The following WNT5A variants were observed in gnomAD, a reference collection of about 807,000 sequenced individuals.
WNT5A encodes protein Wnt-5a.
Under a neutral mutation model 42.1 loss-of-function variants are expected in WNT5A, and 9 were observed. The observed-to-expected ratio is 0.21, with a 90% confidence interval of 0.13 to 0.37. The LOEUF (loss-of-function observed/expected upper bound fraction) is 0.37, where lower values mean the gene tolerates loss of function less well. Ranked by LOEUF, WNT5A falls within the 10% of genes least tolerant of loss-of-function variation. The probability of loss-of-function intolerance (pLI) is 1.00; values close to 1 mark genes in which losing one functional copy is unlikely to be tolerated. For synonymous variants in WNT5A, 210 were observed against 210.0 expected (o/e 1.00, Z 0.00); for missense variants, 426 against 534.0 (o/e 0.80, Z 1.99).
the WNT5A span, among the ~76,000 whole-genome samples, chr3:55,504,938 G>A: frequency 6.6e-6 from 1 of 152,120 alleles, no homozygotes; most frequent in African/African-American, 2.4e-5. Flanking sequence ...GCTTTATATA[G>A]ATAGAATCAC....
chr3:55,467,793 TAA>T lies in WNT5A; in HGVS notation c.*2297_*2298del, dbSNP rs1210841996. On this transcript the variant is annotated 3_prime_UTR_variant, in exon 5 of 5. Coordinates refer to ENST00000264634, the MANE Select transcript of WNT5A (RefSeq NM_003392.7). ...AGTTTCTTTTAAAAGCTAGGATTGTTAAACTCAACTCTCTTCATAAACATGAG... is the reference window on the plus strand; with the variant it reads ...AGTTTCTTTTAAAAGCTAGGATTGTTACTCAACTCTCTTCATAAACATGAG... The T allele has an allele frequency of 6.6e-6, 1 of 151,320 alleles. No individual in the cohort carries two copies. Among genetic ancestry groups the T allele is most frequent in the African/African-American group, 2.5e-5 (1 of 40,804 alleles). 9.4% of individuals were successfully genotyped at this position (151,320 alleles called of 1,614,324 possible). A position where few individuals can be genotyped will look rare whatever the true frequency, so the allele number is the denominator to read the frequency against.
rs890557542 is a variant in WNT5A, at chr3:55,479,694, A to C, written c.141-130T>G. 22 of 1,285,372 alleles carry C rather than the reference A, an allele frequency of 1.7e-5. 1 individual carries two copies. The Middle Eastern group carries it at 1.4e-3, about 80-fold the overall frequency. 79.6% of individuals were successfully genotyped at this position (1,285,372 alleles called of 1,614,324 possible). A position where few individuals can be genotyped will look rare whatever the true frequency, so the allele number is the denominator to read the frequency against. On this transcript the variant is annotated intron_variant, in intron 2 of 4. Coordinates refer to ENST00000264634, the MANE Select transcript of WNT5A (RefSeq NM_003392.7). Reference sequence around the variant, plus strand: ...TCTCTCCTGCTTGTCCTCATGACAAAGTATGAGAAGGGCTTCATAAAACTC... The same window carrying C: ...TCTCTCCTGCTTGTCCTCATGACAACGTATGAGAAGGGCTTCATAAAACTC...
At chr3:55,486,577 T>G (rs1368659658) in intron 1 of WNT5A, among the ~76,000 whole-genome samples, 4 of 152,236 alleles carry the variant, frequency 2.6e-5, no homozygotes, top group African/African-American at 4.8e-5. Flanking sequence ...ACCGTCCCGG[T>G]GCCCGCGCAG....
upstream of WNT5A, among the ~76,000 whole-genome samples, chr3:55,491,504 A>G (rs1444509183): frequency 6.6e-6 from 1 of 152,186 alleles, no homozygotes; most frequent in Non-Finnish European, 1.5e-5. Context: ...TGCTCTCCCA[A>G]CCGGATTATT....
At position 55,474,449 on chromosome 3, in the gene WNT5A, C is replaced by T. The variant is rs771864079; in HGVS notation, c.572G>A (p.Arg191His). ...GGCGTCCACGAACTCCTTGGCAAAG[C>T]GGTAGCCATAGTCGATGTTGTCGCC... ...GCGDNIDYGY[R>H]FAKEFVDARE... is the part of the protein sequence containing the mutation. Residue 191 changes from arginine (R) to histidine (H), a missense_variant, in exon 4 of 5, where the codon CGC becomes CAC. Arg to His is a conservative substitution (Grantham distance 29, BLOSUM62 0). Transcript: ENST00000264634. 4.4e-6 allele frequency: 7 copies of T among 1,608,986 alleles called. No homozygotes were observed. Among genetic ancestry groups the T allele is most frequent in the Non-Finnish European group, 5.9e-6 (7 of 1,178,778 alleles).
chr3:55,477,721 T>G (rs1177285224), intron 3 of WNT5A, among the ~76,000 whole-genome samples: 2 of 152,218 alleles, frequency 1.3e-5, no homozygotes, highest in Non-Finnish European at 2.9e-5. Context: ...TGATAGCTTA[T>G]TCTGAACATT....
chr3:55,474,618 T>A lies in WNT5A; in HGVS notation c.403A>T (p.Thr135Ser), dbSNP rs774630162. 1.4e-6 allele frequency: 2 copies of A among 1,424,864 alleles called. No homozygotes were observed. Among genetic ancestry groups the A allele is most frequent in the Admixed American group, 5.8e-5 (2 of 34,486 alleles). 88.3% of individuals were successfully genotyped at this position (1,424,864 alleles called of 1,614,324 possible). ...GRVMQIGSRE[T>S]AFTYAVSAAG... is the part of the protein sequence containing the mutation. Reference sequence around the variant, plus strand: ...GCGCTCACCGCGTATGTGAAGGCCGTCTCGCGGCTGCCTGTGGGTGAGGAC... The same window carrying A: ...GCGCTCACCGCGTATGTGAAGGCCGACTCGCGGCTGCCTGTGGGTGAGGAC... The change falls in exon 4 of 5, where the codon ACG becomes TCG. Residue 135 changes from threonine to serine, a missense_variant. Transcript: ENST00000264634.
the WNT5A span, among the ~76,000 whole-genome samples, chr3:55,498,631 C>T: frequency 1.3e-5 from 2 of 152,316 alleles, no homozygotes; most frequent in Non-Finnish European, 1.5e-5. Context: ...CCTCTGAGGA[C>T]TCACCTATAC....
chr3:55,500,619 C>T, the WNT5A span, among the ~76,000 whole-genome samples: 98 of 152,342 alleles, frequency 6.4e-4, no homozygotes, highest in Non-Finnish European at 1.1e-3. Flanking sequence ...AGAGACAGGG[C>T]TCAAACCTGT....
chr3:55,500,581 G>C, the WNT5A span, among the ~76,000 whole-genome samples: 3 of 152,218 alleles, frequency 2.0e-5, no homozygotes, highest in Non-Finnish European at 1.5e-5. Context: ...TGAGTGATTT[G>C]CTTGGGGCTA....
intron 2 of WNT5A, among the ~76,000 whole-genome samples, chr3:55,480,572 T>A (rs1422248004): frequency 1.3e-5 from 2 of 152,118 alleles, no homozygotes; most frequent in Non-Finnish European, 2.9e-5. Context: ...GATTTATAGT[T>A]TCCCATTCCC....
chr3:55,502,440 C>T, the WNT5A span, among the ~76,000 whole-genome samples: 5 of 152,158 alleles, frequency 3.3e-5, no homozygotes, highest in Non-Finnish European at 5.9e-5. Context: ...CAAGACAATT[C>T]CTTCCCTGCA....
upstream of WNT5A, chr3:55,488,155 G>T: frequency 6.5e-6 from 1 of 152,862 alleles, no homozygotes; most frequent in South Asian, 1.9e-4. Context: ...GGGCCGGCGG[G>T]AGGCGGGCGG....
In WNT5A at chr3:55,470,241, T is replaced by C. The variant is rs768254997; in HGVS notation, c.994A>G (p.Met332Val). Residue 332 changes from methionine to valine, a missense_variant, in exon 5 of 5, where the codon ATG becomes GTG. Physicochemically the swap from Met to Val is conservative, Grantham distance 21. This residue lies in a region of WNT5A where 358 missense variants were observed against 468.1 expected (regional missense o/e 0.76). Coordinates refer to ENST00000264634, the MANE Select transcript of WNT5A (RefSeq NM_003392.7). ...CAGCACATGAGCTCGCAGCCATCCA[T>C]GCCCTCCGACGTCTTGTTGCACAGG... ...GRLCNKTSEG[M>V]DGCELMCCGR... 2 of 1,614,106 alleles carry C rather than the reference T, an allele frequency of 1.2e-6. No homozygotes were observed. The highest frequency in any genetic ancestry group is 1.7e-6 in the Non-Finnish European group (2 of 1,179,958).
At chr3:55,476,307 T>C (rs2051356121) in intron 3 of WNT5A, among the ~76,000 whole-genome samples, 2 of 152,156 alleles carry the variant, frequency 1.3e-5, no homozygotes, top group Admixed American at 1.3e-4. Context: ...GACTTGAAGG[T>C]GTGTGCTGGT....
intron 1 of WNT5A, among the ~76,000 whole-genome samples, chr3:55,484,154 G>A (rs992058055): frequency 2.0e-5 from 3 of 152,108 alleles, no homozygotes; most frequent in Non-Finnish European, 4.4e-5. Flanking sequence ...GCAGCGAAGG[G>A]GAGGATGGGA....
intron 4 of WNT5A, among the ~76,000 whole-genome samples, chr3:55,472,653 C>G (rs1018137504): frequency 6.6e-6 from 1 of 152,098 alleles, no homozygotes; most frequent in African/African-American, 2.4e-5. Context: ...CTGTCTGTGG[C>G]AATTATTTGA....
upstream of WNT5A, among the ~76,000 whole-genome samples, chr3:55,488,513 A>G (rs1036378056): frequency 1.3e-5 from 2 of 151,684 alleles, no homozygotes; most frequent in Non-Finnish European, 2.9e-5. Flanking sequence ...GGAAGAAAGA[A>G]AAAACTCAAC....
chr3:55,481,475 G>T, intron 1 of WNT5A: 5 of 172,510 alleles, frequency 2.9e-5, no homozygotes, highest in Non-Finnish European at 5.6e-5. Flanking sequence ...ACGCGGGAGG[G>T]AAGGGCAGGG....
Sources: gnomAD v4.1 joint callset for allele counts (sites outside exome capture counted in the v4.1 genomes callset) on GRCh38, gnomAD v4.1.1 for gene constraint, gnomAD v4.1.1 regional missense constraint, MANE v1.5 for transcripts, NCBI Gene and HGNC (gene_info 2026-07-23, HGNC 2026-07-21) for gene names.